Variants in CMSS1 observed in about 807,000 individuals in gnomAD.
CMSS1 encodes protein CMSS1.
CMSS1 carries 33 observed loss-of-function variants against 43.5 expected under a neutral mutation model. The ratio of observed to expected loss-of-function variants is 0.76; its 90% CI spans 0.57 to 1.01. The LOEUF is 1.01. Ranked by LOEUF, CMSS1 falls within the 50% of genes least tolerant of loss-of-function variation. CMSS1 has a pLI of 0.00. For missense variants in CMSS1, 313 were observed against 326.4 expected, an observed-to-expected ratio of 0.96 and a Z score of 0.32; for synonymous variants, 115 against 117.2, an observed-to-expected ratio of 0.98 and a Z score of 0.12.
At chr3:99,847,510 T>C (rs898464521) in intron 1 of CMSS1, among the ~76,000 whole-genome samples, 2 of 152,148 alleles carry the variant, frequency 1.3e-5, no homozygotes, top group Admixed American at 6.5e-5. Flanking sequence ...AAATGTACTT[T>C]CTCTGGCTTC....
intron 1 of CMSS1, among the ~76,000 whole-genome samples, chr3:99,890,382 T>C (rs1275194465): frequency 6.6e-6 from 1 of 152,178 alleles, no homozygotes; most frequent in Non-Finnish European, 1.5e-5. Flanking sequence ...CCTGAGTCTG[T>C]AGATTAGTGT....
At chr3:100,118,824 T>C (rs1175018076) in intron 1 of CMSS1, among the ~76,000 whole-genome samples, 1 of 152,150 alleles carries the variant, frequency 6.6e-6, no homozygotes, top group Non-Finnish European at 1.5e-5. Context: ...CTCTTAGATA[T>C]CATCCTACAG....
intron 1 of CMSS1, chr3:99,924,136 CTG>C (rs1387527511): frequency 9.8e-7 from 1 of 1,024,388 alleles, no homozygotes; most frequent in Non-Finnish European, 1.5e-6. Context: ...AGAACAGAGA[CTG>C]TGTCATATTT....
intron 1 of CMSS1, among the ~76,000 whole-genome samples, chr3:99,832,668 C>A (rs1443437433): frequency 6.8e-6 from 1 of 147,624 alleles, no homozygotes; most frequent in Non-Finnish European, 1.5e-5. Flanking sequence ...CACGGTGAAA[C>A]CCTGTCTCTA....
At chr3:99,948,332 A>T (rs1402876622) in intron 1 of CMSS1, among the ~76,000 whole-genome samples, 1 of 152,030 alleles carries the variant, frequency 6.6e-6, no homozygotes, top group African/African-American at 2.4e-5. Context: ...CTCTCCAAAA[A>T]AATAAAAAAA....
chr3:99,892,563 T>C (rs143739729), intron 1 of CMSS1, among the ~76,000 whole-genome samples: 18 of 152,320 alleles, frequency 1.2e-4, no homozygotes, highest in African/African-American at 4.3e-4. Flanking sequence ...CTCTTCCCTT[T>C]GATGGCTTCA....
At chr3:99,945,076 C>G (rs1022331182) in intron 1 of CMSS1, among the ~76,000 whole-genome samples, 7 of 152,146 alleles carry the variant, frequency 4.6e-5, no homozygotes, top group African/African-American at 1.7e-4. Context: ...CAAAAAGCAT[C>G]AAGGAAAATA....
intron 1 of CMSS1, chr3:99,851,154 A>G: frequency 9.3e-7 from 1 of 1,080,402 alleles, no homozygotes; most frequent in African/African-American, 1.6e-5. Flanking sequence ...GTAATTTAGA[A>G]ATTATGTAAT....
At chr3:99,929,311 T>C (rs1559692064) in intron 1 of CMSS1, among the ~76,000 whole-genome samples, 2 of 152,232 alleles carry the variant, frequency 1.3e-5, no homozygotes, top group African/African-American at 4.8e-5. Context: ...TTTGCTGTCA[T>C]TAAACTTTGA....
intron 1 of CMSS1, among the ~76,000 whole-genome samples, chr3:100,003,771 A>G (rs149805250): frequency 6.6e-6 from 1 of 152,312 alleles, no homozygotes; most frequent in African/African-American, 2.4e-5. Flanking sequence ...CTAAAAGTCA[A>G]GAGCATAGAC....
At chr3:99,828,548 TCAAA>T (rs1183374222) in intron 1 of CMSS1, among the ~76,000 whole-genome samples, 2 of 151,240 alleles carry the variant, frequency 1.3e-5, no homozygotes, top group East Asian at 1.9e-4. Flanking sequence ...ACTTCTGGGC[TCAAA>T]CAGTCCTCTT....
intron 1 of CMSS1, among the ~76,000 whole-genome samples, chr3:99,914,497 A>G (rs1403904289): frequency 6.6e-6 from 1 of 152,186 alleles, no homozygotes; most frequent in Non-Finnish European, 1.5e-5. Context: ...AGTCTGATTC[A>G]TGTCATTAAC....
intron 1 of CMSS1, among the ~76,000 whole-genome samples, chr3:99,891,303 T>C (rs1706075358): frequency 6.6e-6 from 1 of 152,178 alleles, no homozygotes; most frequent in Non-Finnish European, 1.5e-5. Context: ...ATCTCAGCTT[T>C]ATGTGGGGCT....
At chr3:100,004,712 G>A (rs1709939664) in intron 1 of CMSS1, among the ~76,000 whole-genome samples, 3 of 152,174 alleles carry the variant, frequency 2.0e-5, no homozygotes, top group Admixed American at 2.0e-4. Flanking sequence ...CTGGGACTAG[G>A]TAGTGATAAT....
chr3:99,853,991 TG>T, intron 1 of CMSS1, among the ~76,000 whole-genome samples: 1 of 152,290 alleles, frequency 6.6e-6, no homozygotes, highest in East Asian at 1.9e-4. Flanking sequence ...ACACATTGTG[TG>T]GTTGTACATG....
intron 1 of CMSS1, among the ~76,000 whole-genome samples, chr3:99,914,591 A>G (rs1203731761): frequency 1.3e-5 from 2 of 152,230 alleles, no homozygotes; most frequent in Non-Finnish European, 2.9e-5. Context: ...GTTATAAAGT[A>G]AGAAATTGGT....
intron 1 of CMSS1, among the ~76,000 whole-genome samples, chr3:100,013,935 C>T (rs1324632164): frequency 6.6e-6 from 1 of 152,024 alleles, no homozygotes; most frequent in African/African-American, 2.4e-5. Flanking sequence ...AACTGTGTAC[C>T]CTTTGAACAA....
intron 1 of CMSS1, among the ~76,000 whole-genome samples, chr3:99,883,955 G>A (rs1470828994): frequency 6.6e-6 from 1 of 152,164 alleles, no homozygotes; most frequent in Non-Finnish European, 1.5e-5. Context: ...TCAGTGTTTT[G>A]TAGTAAGATT....
At chr3:99,863,620 A>G (rs1944367536) in intron 1 of CMSS1, among the ~76,000 whole-genome samples, 1 of 152,198 alleles carries the variant, frequency 6.6e-6, no homozygotes, top group East Asian at 1.9e-4. Context: ...TTAATTTTTC[A>G]GTCTATTTTG....
Sources: gnomAD v4.1 joint callset for allele counts (sites outside exome capture counted in the v4.1 genomes callset) on GRCh38, gnomAD v4.1.1 for gene constraint, MANE v1.5 for transcripts, NCBI Gene and HGNC (gene_info 2026-07-23, HGNC 2026-07-21) for gene names.